FREM1: variants seen among roughly 807,000 people sequenced by gnomAD.
The protein encoded by FREM1 is FRAS1 related extracellular matrix 1, also known as FRAS1-related extracellular matrix protein 1.
Under a neutral mutation model 210.1 loss-of-function variants are expected in FREM1, and 220 were observed. The ratio of observed to expected loss-of-function variants is 1.05; its 90% CI spans 0.94 to 1.17. The LOEUF is 1.17. Among genes scored for constraint, FREM1 ranks in the 50% most tolerant of loss-of-function variants. FREM1 has a pLI of 0.00. For missense variants in FREM1, 3,454 were observed against 2,675.5 expected, an observed-to-expected ratio of 1.29 and a Z score of -6.42; for synonymous variants, 1,189 against 980.2, an observed-to-expected ratio of 1.21 and a Z score of -3.98.
intron 1 of FREM1, among the ~76,000 whole-genome samples, chr9:14,891,878 ACTTTAAT>A (rs1403116981): frequency 6.6e-6 from 1 of 152,168 alleles, no homozygotes; most frequent in Non-Finnish European, 1.5e-5. Context: ...ATAAGAGGTA[ACTTTAAT>A]CTTTAAGAGA....
chr9:14,825,092 C>T (rs1021032801), intron 10 of FREM1, 100 bp from the exon 11 acceptor site: 6 of 785,648 alleles, frequency 7.6e-6, no homozygotes, highest in African/African-American at 5.3e-5. Flanking sequence ...ATTTCTAAAA[C>T]TGTCATTTAT....
At chr9:14,762,035 C>G (rs1378474674) in intron 27 of FREM1, among the ~76,000 whole-genome samples, 1 of 152,142 alleles carries the variant, frequency 6.6e-6, no homozygotes, top group Non-Finnish European at 1.5e-5. Flanking sequence ...ACTATTTGCA[C>G]TTTAGACATC....
At chr9:14,832,299 A>G (rs1263735028) in intron 10 of FREM1, among the ~76,000 whole-genome samples, 1 of 152,116 alleles carries the variant, frequency 6.6e-6, no homozygotes, top group African/African-American at 2.4e-5. Context: ...TTTTCTAACT[A>G]CCCTAATAGG....
chr9:14,809,549 C>G (rs535189625), intron 16 of FREM1, among the ~76,000 whole-genome samples: 1 of 152,100 alleles, frequency 6.6e-6, no homozygotes, highest in Non-Finnish European at 1.5e-5. Flanking sequence ...AAAGGAAAAA[C>G]CGAATTGAAG....
At chr9:14,740,345 T>C (rs534300973) in intron 35 of FREM1, 111 bp from the exon 36 acceptor site, 23 of 785,938 alleles carry the variant, frequency 2.9e-5, no homozygotes, top group Admixed American at 1.1e-4. Flanking sequence ...AAAGTAGGTC[T>C]TTAAAAAAAC....
At chr9:14,883,653 C>A (rs527510011) in intron 1 of FREM1, among the ~76,000 whole-genome samples, 2 of 152,320 alleles carry the variant, frequency 1.3e-5, no homozygotes, top group Admixed American at 6.5e-5. Flanking sequence ...CAAAATGAGA[C>A]GGTAATAACT....
At chr9:14,802,702 T>C (rs1046430153) in intron 19 of FREM1, among the ~76,000 whole-genome samples, 6 of 152,240 alleles carry the variant, frequency 3.9e-5, no homozygotes, top group Non-Finnish European at 7.3e-5. Context: ...TTTTGAAATA[T>C]AGCAAAATCT....
chr9:14,841,502 G>C lies in FREM1; in HGVS notation c.1826C>G (p.Ser609Cys). 1.9e-6 allele frequency: 3 copies of C among 1,612,038 alleles called. 1 individual carries two copies. In the South Asian group the frequency reaches 3.3e-5, roughly 18 times the overall value. ...RHFGGEIFED[S>C]FQFVLWDSHE... ...GCTGTCCCACAGGACAAATTGAAAA[G>C]AATCTTCAAAGATTTCTCCACCAAA... Residue 609 changes from serine to cysteine, a missense_variant, in exon 10 of 37, where the codon TCT (serine) becomes TGT (cysteine). Ser to Cys is a moderately radical substitution (Grantham distance 112). Transcript: ENST00000380880.
At chr9:14,763,847 G>A (rs891071363) in intron 27 of FREM1, among the ~76,000 whole-genome samples, 1 of 152,192 alleles carries the variant, frequency 6.6e-6, no homozygotes, top group East Asian at 1.9e-4. Flanking sequence ...TTGGTTCATT[G>A]TGATAACCCA....
In FREM1 at chr9:14,805,168, A is replaced by G. The variant is rs1818134262; in HGVS notation, c.3275-16T>C. ...TGAAATGAATCTAGAGCACACCAAG[A>G]TGGAACAGATAAATAAAAAAAAAAT... On this transcript the variant is annotated splice_polypyrimidine_tract_variant and intron_variant, in intron 18 of 36. Coordinates refer to ENST00000380880, the MANE Select transcript of FREM1 (RefSeq NM_001379081.2). 2 of 1,462,292 alleles carry G rather than the reference A, an allele frequency of 1.4e-6. No homozygotes were observed. The highest frequency in any genetic ancestry group is 1.4e-5 in the African/African-American group (1 of 70,798). The allele number at this position is 1,462,292 out of a possible 1,614,324, so 90.6% of individuals were successfully genotyped here.
chr9:14,780,939 G>C (rs923922), intron 24 of FREM1, among the ~76,000 whole-genome samples: 68,592 of 152,038 alleles, frequency 0.45, 15,740 homozygotes, highest in African/African-American at 0.51. Flanking sequence ...TTAAAATTTG[G>C]GTCTTGGGCA....
intron 8 of FREM1, among the ~76,000 whole-genome samples, chr9:14,844,929 A>G (rs1343061051): frequency 6.6e-6 from 1 of 152,224 alleles, no homozygotes; most frequent in Non-Finnish European, 1.5e-5. Context: ...CTTACATACA[A>G]GCGAACACCC....
intron 20 of FREM1, among the ~76,000 whole-genome samples, chr9:14,798,057 T>C (rs960782000): frequency 6.6e-6 from 1 of 152,092 alleles, no homozygotes; most frequent in Non-Finnish European, 1.5e-5. Context: ...TTTTTTTAAA[T>C]CTACCTAACA....
intron 1 of FREM1, among the ~76,000 whole-genome samples, chr9:14,884,426 A>T (rs7021507): frequency 0.036 from 5,422 of 152,218 alleles, 329 homozygotes; most frequent in African/African-American, 0.12. Context: ...GTATATCTGT[A>T]TAAGCCAATA....
intron 25 of FREM1, among the ~76,000 whole-genome samples, chr9:14,771,106 A>G (rs1041270373): frequency 6.6e-6 from 1 of 152,150 alleles, no homozygotes; most frequent in African/African-American, 2.4e-5. Context: ...TTTCACCGCC[A>G]TGGATTCCCT....
chr9:14,746,208 C>A (rs965983367), intron 35 of FREM1, 145 bp downstream of exon 35: 11 of 575,420 alleles, frequency 1.9e-5, no homozygotes, highest in Non-Finnish European at 3.4e-5. Context: ...AACTAGGGAA[C>A]TCCCTCAGGG....
chr9:14,809,420 CTG>C (rs1171504905), intron 16 of FREM1, among the ~76,000 whole-genome samples: 9 of 152,174 alleles, frequency 5.9e-5, no homozygotes, highest in Non-Finnish European at 8.8e-5. Flanking sequence ...AGCAGACACT[CTG>C]GTCAAATCTG....
intron 13 of FREM1, among the ~76,000 whole-genome samples, chr9:14,821,902 A>G (rs552946584): frequency 9.9e-5 from 15 of 152,260 alleles, no homozygotes; most frequent in African/African-American, 3.6e-4. Context: ...ATTTTCATAT[A>G]TTGTTTTGAC....
In FREM1 at chr9:14,750,063, G is replaced by A. The variant is rs192232259; in HGVS notation, c.5557+64C>T. On this transcript the variant is annotated intron_variant, in intron 30 of 36. Transcript: ENST00000380880. ...GAAGGTGTTATCAAGCACGTTGGCT[G>A]TTGAAGGCAAGAGCTACAGCGCCAG... 4.6e-5 allele frequency: 71 copies of A among 1,546,188 alleles called. No individual in the cohort carries two copies. The East Asian group carries it at 9.5e-4, about 21-fold the overall frequency.
Sources: allele counts gnomAD v4.1 joint callset (sites outside exome capture counted in the v4.1 genomes callset), GRCh38; gene constraint gnomAD v4.1.1; transcripts MANE v1.5; gene names NCBI Gene and HGNC (gene_info 2026-07-23, HGNC 2026-07-21).